PDE5A: variants seen among roughly 807,000 people sequenced by gnomAD.
PDE5A encodes the protein phosphodiesterase 5A.
Under a neutral mutation model 110.2 loss-of-function variants are expected in PDE5A, and 67 were observed. That is an observed-to-expected ratio of 0.61 (90% CI 0.50 to 0.75). The LOEUF (loss-of-function observed/expected upper bound fraction) is 0.75. Ranked by LOEUF, PDE5A falls within the 30% of genes least tolerant of loss-of-function variation. The pLI is 0.00. For synonymous variants in PDE5A, 328 were observed against 351.2 expected (o/e 0.93, Z 0.74); for missense variants, 862 against 1,045.1 (o/e 0.82, Z 2.42).
rs948354634 is a variant in PDE5A at position 119,621,193 on chromosome 4, A to G, written c.152+7327T>C. Among the ~76,000 whole-genome samples the G allele has an allele frequency of 5.3e-5, 8 of 152,374 alleles. No individual in the cohort carries two copies. The South Asian group carries it at 1.7e-3, about 32-fold the overall frequency. On this transcript the variant is annotated intron_variant, in intron 1 of 20. Transcript: ENST00000354960. ...ACTAACATTAAAATAAAAGGAAGTC[A>G]ACACTAGTTATGGTAGACATCTAGA...
chr4:119,549,890 C>T (rs1261004452), intron 9 of PDE5A: 1 of 152,082 alleles, frequency 6.6e-6, no homozygotes, highest in East Asian at 1.9e-4. Context: ...GTCTATAATT[C>T]CATCTAAATG....
Position 119,504,532 on chromosome 4 carries a change from A to T in PDE5A, c.2331+4T>A. The T allele has an allele frequency of 1.2e-6, 2 of 1,608,030 alleles. No individual in the cohort carries two copies. Among genetic ancestry groups the T allele is most frequent in the Non-Finnish European group, 1.7e-6 (2 of 1,175,200 alleles). On this transcript the variant is annotated splice_donor_region_variant and intron_variant, in intron 18 of 20. Transcript: ENST00000354960. ...ATTATTGTTATTGTCACTAAGTAAC[A>T]TACCCGTTGTTGAATAGGCCAGGGT...
intron 14 of PDE5A, among the ~76,000 whole-genome samples, chr4:119,517,499 CT>C (rs34463475): frequency 0.27 from 38,944 of 142,834 alleles, 5,122 homozygotes; most frequent in East Asian, 0.38. Flanking sequence ...ACTGCTTTAA[CT>C]TTTTTTTTTT....
intron 1 of PDE5A, among the ~76,000 whole-genome samples, chr4:119,625,460 T>C (rs556990073): frequency 6.6e-6 from 1 of 152,324 alleles, no homozygotes; most frequent in South Asian, 2.1e-4. Flanking sequence ...CCATTGAGTG[T>C]AGATCATTTA....
At chr4:119,577,573 C>A (rs1477977756) in intron 3 of PDE5A, among the ~76,000 whole-genome samples, 1 of 152,142 alleles carries the variant, frequency 6.6e-6, no homozygotes, top group Non-Finnish European at 1.5e-5. Flanking sequence ...TAAACAGAAC[C>A]AATGACAAAA....
At chr4:119,626,580 G>A (rs528243680) in intron 1 of PDE5A, among the ~76,000 whole-genome samples, 2 of 152,304 alleles carry the variant, frequency 1.3e-5, no homozygotes, top group Admixed American at 1.3e-4. Context: ...TTCAAGGAGA[G>A]CAGAAGGCTG....
intron 3 of PDE5A, among the ~76,000 whole-genome samples, chr4:119,581,525 C>T (rs1728589850): frequency 6.6e-6 from 1 of 152,174 alleles, no homozygotes; most frequent in South Asian, 2.1e-4. Context: ...ATAGCCAAAA[C>T]ATAATTTCAT....
chr4:119,627,186 G>A lies in PDE5A; in HGVS notation c.152+1334C>T. On this transcript the variant is annotated intron_variant, in intron 1 of 20. Transcript: ENST00000354960. This position sits in a 1 kb window ranked among gnomAD's most constrained non-coding sequence, Gnocchi z 4.6. ...TCCAAAGGGCAACATAGCAAACGTG[G>A]GAAGTTCGTTTTCGAACTCCGCCGA... 1 of 1,612,840 alleles carries A rather than the reference G, an allele frequency of 6.2e-7. No homozygotes were observed. The highest frequency in any genetic ancestry group is 8.5e-7 in the Non-Finnish European group (1 of 1,179,358).
Position 119,496,814 on chromosome 4 carries a change from G to A in PDE5A, c.*1787C>T, listed in dbSNP as rs200994304. ...AGGGGCAACCTTACAAATTTTATCT[G>A]TATGGCAAAAAAAATAAAATATCCT... On this transcript the variant is annotated 3_prime_UTR_variant, in exon 21 of 21. Coordinates refer to ENST00000354960, the MANE Select transcript of PDE5A (RefSeq NM_001083.4). The A allele has an allele frequency of 7.2e-5, 11 of 152,280 alleles. No homozygotes were observed. The highest frequency in any genetic ancestry group is 1.3e-4 in the Non-Finnish European group (9 of 67,954). 9.4% of individuals were successfully genotyped at this position (152,280 alleles called of 1,614,324 possible). A position where few individuals can be genotyped will look rare whatever the true frequency, so the allele number is the denominator to read the frequency against.
intron 1 of PDE5A, among the ~76,000 whole-genome samples, chr4:119,616,271 G>A (rs1729940890): frequency 6.6e-6 from 1 of 152,072 alleles, no homozygotes; most frequent in Admixed American, 6.6e-5. Flanking sequence ...TAAGGCTCAC[G>A]AAGATATCCT....
chr4:119,520,339 G>A (rs911866636), intron 13 of PDE5A, among the ~76,000 whole-genome samples: 4 of 152,130 alleles, frequency 2.6e-5, no homozygotes, highest in Non-Finnish European at 4.4e-5. Flanking sequence ...ACTGAAGTTA[G>A]AATCTAAGGA....
chr4:119,627,332 C>T lies in PDE5A; in HGVS notation c.152+1188G>A. ...CTCCGCGCCGCCGCCCGTCGCCTCC[C>T]GCTCGCCCCGCGCTGCGCCGCCCCC... On this transcript the variant is annotated intron_variant, in intron 1 of 20. Coordinates refer to ENST00000354960, the MANE Select transcript of PDE5A (RefSeq NM_001083.4). The surrounding 1 kb of genome is among the most constrained non-coding windows in gnomAD (Gnocchi z 4.6). The T allele has an allele frequency of 8.9e-7, 1 of 1,125,226 alleles. No individual in the cohort carries two copies. Among genetic ancestry groups the T allele is most frequent in the African/African-American group, 1.6e-5 (1 of 60,652 alleles). The allele number at this position is 1,125,226 out of a possible 1,614,324, so 69.7% of individuals were successfully genotyped here.
At chr4:119,504,503 T>TTTAA (rs749915768) in intron 18 of PDE5A, 33 bp downstream of exon 18, 1 of 1,556,822 alleles carries the variant, frequency 6.4e-7, no homozygotes, top group South Asian at 1.1e-5. Context: ...ATTTTGACTT[T>TTTAA]TTAATTATTG....
chr4:119,596,189 T>C (rs1455366290), intron 3 of PDE5A, among the ~76,000 whole-genome samples: 2 of 152,108 alleles, frequency 1.3e-5, no homozygotes, highest in African/African-American at 4.8e-5. Flanking sequence ...TGAATACTAC[T>C]CATACTCCTA....
chr4:119,559,344 T>C (rs1428603641), intron 7 of PDE5A, among the ~76,000 whole-genome samples: 1 of 152,162 alleles, frequency 6.6e-6, no homozygotes, highest in African/African-American at 2.4e-5. Flanking sequence ...ACCTAAAATA[T>C]AATACACAGG....
At chr4:119,510,839 C>G (rs1725719389) in intron 15 of PDE5A, among the ~76,000 whole-genome samples, 1 of 152,070 alleles carries the variant, frequency 6.6e-6, no homozygotes, top group African/African-American at 2.4e-5. Flanking sequence ...CCAAATTTCC[C>G]TTATTGGGCA....
intron 3 of PDE5A, among the ~76,000 whole-genome samples, chr4:119,584,741 T>C (rs979611269): frequency 6.6e-6 from 1 of 152,214 alleles, no homozygotes; most frequent in African/African-American, 2.4e-5. Flanking sequence ...TGCCTCTGTC[T>C]ACCTGTCTGA....
chr4:119,614,263 T>C (rs1729858459), intron 1 of PDE5A, among the ~76,000 whole-genome samples: 1 of 152,018 alleles, frequency 6.6e-6, no homozygotes, highest in Non-Finnish European at 1.5e-5. Flanking sequence ...AGAAGTATAA[T>C]AAATGTGTTC....
intron 3 of PDE5A, among the ~76,000 whole-genome samples, chr4:119,595,129 G>GA (rs531956929): frequency 6.6e-6 from 1 of 151,952 alleles, no homozygotes; most frequent in Non-Finnish European, 1.5e-5. Context: ...CGAATAAAAA[G>GA]AAAAAAATAT....
Sources: gnomAD v4.1 joint callset for allele counts (sites outside exome capture counted in the v4.1 genomes callset) on GRCh38, gnomAD v4.1.1 for gene constraint, Gnocchi (gnomAD v3.1) non-coding constraint, MANE v1.5 for transcripts, NCBI Gene and HGNC (gene_info 2026-07-23, HGNC 2026-07-21) for gene names.